AKAP10: variants seen among roughly 807,000 people sequenced by gnomAD.
AKAP10 encodes A-kinase anchor protein 10, mitochondrial.
Under a neutral mutation model 80.8 loss-of-function variants are expected in AKAP10, and 24 were observed. That is an observed-to-expected ratio of 0.30 (90% CI 0.22 to 0.42). The LOEUF (loss-of-function observed/expected upper bound fraction) is 0.42. Among genes scored for constraint, AKAP10 ranks in the 10% least tolerant of loss-of-function variants. The probability of loss-of-function intolerance (pLI) is 1.00; values close to 1 mark genes in which losing one functional copy is unlikely to be tolerated. For missense variants in AKAP10, 661 were observed against 794.9 expected, an observed-to-expected ratio of 0.83 and a Z score of 2.03; for synonymous variants, 291 against 277.7, an observed-to-expected ratio of 1.05 and a Z score of -0.48.
chr17:19,943,880 G>C (rs1033601107), intron 5 of AKAP10, among the ~76,000 whole-genome samples: 2 of 152,108 alleles, frequency 1.3e-5, no homozygotes, highest in Non-Finnish European at 1.5e-5. Context: ...CCCAGTTGGT[G>C]TTCACTGAAC....
chr17:19,955,993 GC>G (rs1470297293), intron 4 of AKAP10, among the ~76,000 whole-genome samples: 3 of 152,174 alleles, frequency 2.0e-5, no homozygotes, highest in African/African-American at 7.2e-5. Flanking sequence ...TACAGGCAGT[GC>G]CCTTATCTTA....
At chr17:19,951,127 G>A (rs1431601136) in intron 4 of AKAP10, among the ~76,000 whole-genome samples, 3 of 144,594 alleles carry the variant, frequency 2.1e-5, no homozygotes, top group Admixed American at 6.8e-5. Context: ...CGCCCCGTCC[G>A]GGAGGGAGGT....
chr17:19,921,984 A>G (rs1009541516), intron 11 of AKAP10, among the ~76,000 whole-genome samples: 1 of 152,246 alleles, frequency 6.6e-6, no homozygotes, highest in Non-Finnish European at 1.5e-5. Context: ...ATGGAGCGTA[A>G]TATCAATTAC....
chr17:19,946,279 T>G (rs867929032), intron 5 of AKAP10, among the ~76,000 whole-genome samples: 1 of 23,358 alleles, frequency 4.3e-5, no homozygotes, highest in African/African-American at 1.3e-4. Context: ...ATATATATTT[T>G]TTTTTTTTTT....
In AKAP10 at chr17:19,958,086, A is replaced by G. The variant is rs749426527; in HGVS notation, c.805T>C (p.Ser269Pro). The G allele has an allele frequency of 4.3e-6, 7 of 1,614,232 alleles. No homozygotes were observed. The highest frequency in any genetic ancestry group is 5.9e-6 in the Non-Finnish European group (7 of 1,180,040). The change falls in exon 4 of 15, where the codon TCT becomes CCT. Residue 269 changes from serine (S) to proline (P), a missense_variant. Coordinates refer to ENST00000225737, the MANE Select transcript of AKAP10 (RefSeq NM_007202.4). ...TTTCTACTGGCTACTGTAAGTGTAG[A>G]GGAAGATTCTTGGGTTTCCATGGAA... ...QVSMETQESS[S>P]TLTVASRNSP...
At chr17:19,953,866 C>T (rs1480534074) in intron 4 of AKAP10, among the ~76,000 whole-genome samples, 1 of 151,968 alleles carries the variant, frequency 6.6e-6, no homozygotes, top group Non-Finnish European at 1.5e-5. Flanking sequence ...ACCCTGTCTG[C>T]ATTAAAAATA....
intron 1 of AKAP10, among the ~76,000 whole-genome samples, chr17:19,976,559 G>C (rs1263082993): frequency 1.3e-5 from 2 of 151,174 alleles, no homozygotes; most frequent in African/African-American, 4.9e-5. Flanking sequence ...CGCTCTTTTT[G>C]CCCAGGCTGG....
intron 5 of AKAP10, among the ~76,000 whole-genome samples, chr17:19,945,996 AAT>A (rs1271743181): frequency 6.7e-6 from 1 of 150,260 alleles, no homozygotes; most frequent in African/African-American, 2.4e-5. Context: ...ACCTATAAGA[AAT>A]ATATTTGTTG....
rs1456961382 is a variant in AKAP10 at position 19,958,232 on chromosome 17, G to A, written c.659C>T (p.Ser220Leu). ...SGSAQLFMTH[S>L]EGIDLNNRTN... ...TCTATTATTCAGGTCAATTCCTTCT[G>A]AATGAGTCATAAACAACTGTGCTGA... The change falls in exon 4 of 15, where the codon TCA becomes TTA. Residue 220 changes from serine to leucine, a missense_variant. Transcript: ENST00000225737. 3 of 1,614,144 alleles carry A rather than the reference G, an allele frequency of 1.9e-6. No individual in the cohort carries two copies. Among genetic ancestry groups the A allele is most frequent in the Middle Eastern group, 3.3e-4 (2 of 6,062 alleles).
intron 5 of AKAP10, among the ~76,000 whole-genome samples, chr17:19,944,839 C>G (rs912710083): frequency 3.3e-5 from 5 of 152,176 alleles, no homozygotes; most frequent in African/African-American, 1.2e-4. Context: ...CTGGATCACT[C>G]TAAATCCTCA....
chr17:19,957,900 T>A (rs954067672), intron 4 of AKAP10, 114 bp downstream of exon 4: 2 of 1,142,386 alleles, frequency 1.8e-6, no homozygotes, highest in African/African-American at 3.1e-5. Context: ...TTACAAGTAG[T>A]TAGAGGAGAA....
chr17:19,912,480 T>A (rs944891679), intron 12 of AKAP10, among the ~76,000 whole-genome samples: 1 of 151,968 alleles, frequency 6.6e-6, no homozygotes, highest in Admixed American at 6.6e-5. Flanking sequence ...GAGGTTTGAG[T>A]GAGCCAACAT....
At position 19,924,516 on chromosome 17, in the gene AKAP10, G is replaced by C. The variant is rs983103586; in HGVS notation, c.1643C>G (p.Ser548Cys). ...PGSSDSSASQ[S>C]SVKKASIKIL... ...TTTAATACTGGCTTTTTTCACACTGGACTACAATAGAAATTGTAAAATTAG... is the reference window on the plus strand; with the variant it reads ...TTTAATACTGGCTTTTTTCACACTGCACTACAATAGAAATTGTAAAATTAG... The change falls in exon 11 of 15, where the codon TCC becomes TGC. Residue 548 changes from serine (S) to cysteine (C), a missense_variant and splice_region_variant. By Grantham distance (112) the Ser-to-Cys change is moderately radical. Transcript: ENST00000225737. 5.1e-6 allele frequency: 8 copies of C among 1,575,282 alleles called. No homozygotes were observed. Among genetic ancestry groups the C allele is most frequent in the Non-Finnish European group, 6.9e-6 (8 of 1,152,538 alleles).
chr17:19,966,050 A>T (rs2043414683), intron 2 of AKAP10, among the ~76,000 whole-genome samples: 1 of 152,168 alleles, frequency 6.6e-6, no homozygotes, highest in Admixed American at 6.5e-5. Context: ...ATCACTCTCT[A>T]ACCTTTGGTT....
intron 9 of AKAP10, among the ~76,000 whole-genome samples, chr17:19,933,130 T>C (rs1215951404): frequency 1.3e-5 from 2 of 152,182 alleles, no homozygotes; most frequent in African/African-American, 4.8e-5. Flanking sequence ...GTGATTCTCC[T>C]GCCTCAGCCT....
At chr17:19,968,200 C>CAAAAAAAAA (rs2043446778) in intron 2 of AKAP10, among the ~76,000 whole-genome samples, 1 of 59,682 alleles carries the variant, frequency 1.7e-5, no homozygotes, top group African/African-American at 7.7e-5. Flanking sequence ...GACTCCGTCT[C>CAAAAAAAAA]CAAAAAAAAA....
chr17:19,913,033 A>G (rs1177256240), intron 12 of AKAP10, among the ~76,000 whole-genome samples: 1 of 150,306 alleles, frequency 6.7e-6, no homozygotes, highest in Non-Finnish European at 1.5e-5. Context: ...GCTGGAATGT[A>G]GTGGTGCATT....
At position 19,977,690 on chromosome 17, in the gene AKAP10, G is replaced by A. The variant is rs1410732370; in HGVS notation, c.-11C>T. On this transcript the variant is annotated 5_prime_UTR_variant, in exon 1 of 15. Transcript: ENST00000225737. ...CCCGGCTCCCCTCATTCAGCAACCG[G>A]CCCGGACTTCCGGGTCCAGAGGGGC... 58 of 1,234,070 alleles carry A rather than the reference G, an allele frequency of 4.7e-5. No homozygotes were observed. The highest frequency in any genetic ancestry group is 5.5e-5 in the Non-Finnish European group (54 of 986,422). The allele number at this position is 1,234,070 out of a possible 1,614,324, so 76.4% of individuals were successfully genotyped here.
chr17:19,961,178 CAAAAAA>C (rs776903538), intron 3 of AKAP10, among the ~76,000 whole-genome samples: 1 of 55,510 alleles, frequency 1.8e-5, no homozygotes. Context: ...CCCGTCTCTA[CAAAAAA>C]AAAAAAAAAA....
Sources: allele counts gnomAD v4.1 joint callset (sites outside exome capture counted in the v4.1 genomes callset), GRCh38; gene constraint gnomAD v4.1.1; transcripts MANE v1.5; gene names NCBI Gene and HGNC (gene_info 2026-07-23, HGNC 2026-07-21).